SLF1: variants seen among roughly 807,000 people sequenced by gnomAD.
SLF1 encodes SMC5/6 complex localization factor 1.
Under a neutral mutation model 123.0 loss-of-function variants are expected in SLF1, and 105 were observed. That is an observed-to-expected ratio of 0.85 (90% confidence interval 0.73 to 1.00). The LOEUF (loss-of-function observed/expected upper bound fraction) is 1.00. Ranked by LOEUF, SLF1 falls within the 50% of genes least tolerant of loss-of-function variation. The probability of loss-of-function intolerance (pLI) is 0.00; values close to 1 mark genes in which losing one functional copy is unlikely to be tolerated. For missense variants in SLF1, 1,239 were observed against 1,223.0 expected, an observed-to-expected ratio of 1.01 and a Z score of -0.20; for synonymous variants, 434 against 406.6, an observed-to-expected ratio of 1.07 and a Z score of -0.81.
chr5:94,694,509 A>T (rs2152500508), intron 20 of SLF1, among the ~76,000 whole-genome samples: 1 of 151,938 alleles, frequency 6.6e-6, no homozygotes, highest in East Asian at 1.9e-4. Flanking sequence ...CATTTTTAAG[A>T]TTTCTTCTGG....
At chr5:94,676,251 A>G (rs1051073770) in intron 14 of SLF1, among the ~76,000 whole-genome samples, 2 of 152,154 alleles carry the variant, frequency 1.3e-5, no homozygotes, top group African/African-American at 2.4e-5. Context: ...TATTCTCTTG[A>G]TAACAGTGAG....
chr5:94,640,360 C>CT (rs1746308292), intron 4 of SLF1, among the ~76,000 whole-genome samples: 3 of 152,094 alleles, frequency 2.0e-5, no homozygotes, highest in South Asian at 4.2e-4. Flanking sequence ...AGCTGTCATT[C>CT]TTTTTTTCCG....
At position 94,696,487 on chromosome 5, in the gene SLF1, A is replaced by C. The variant is rs1032797449; in HGVS notation, c.*1175A>C. ...ACTCAGGAAATACTAGTTTCTATTT[A>C]GCCTTCAAATTTGGCATCATACAAA... is the stretch of plus-strand genomic sequence containing the variant. On this transcript the variant is annotated 3_prime_UTR_variant, in exon 21 of 21. Transcript: ENST00000265140. 6.6e-6 allele frequency: 1 copy of C among 151,858 alleles called. No individual in the cohort carries two copies. Among genetic ancestry groups the C allele is most frequent in the Non-Finnish European group, 1.5e-5 (1 of 67,854 alleles). 9.4% of individuals were successfully genotyped at this position (151,858 alleles called of 1,614,324 possible).
At position 94,663,645 on chromosome 5, in the gene SLF1, A is replaced by G. The variant is rs145702269; in HGVS notation, c.1210-105A>G. ...GGGTAACAGAGTGAGACTCCGTCTC[A>G]AATGAATGAATGAATAAATAAATAA... On this transcript the variant is annotated intron_variant, in intron 10 of 20. Transcript: ENST00000265140. 1,076 of 1,054,430 alleles carry G rather than the reference A, an allele frequency of 1.0e-3. 12 individuals are homozygous for G. The African/African-American group carries it at 0.016, about 15-fold the overall frequency. 65.3% of individuals were successfully genotyped at this position (1,054,430 alleles called of 1,614,324 possible).
chr5:94,641,514 C>A (rs541122629), intron 4 of SLF1, among the ~76,000 whole-genome samples: 1 of 152,234 alleles, frequency 6.6e-6, no homozygotes, highest in South Asian at 2.1e-4. Flanking sequence ...CTGTAATCAC[C>A]ATCAATGCAT....
At chr5:94,664,421 A>G (rs1193418277) in intron 11 of SLF1, among the ~76,000 whole-genome samples, 1 of 152,152 alleles carries the variant, frequency 6.6e-6, no homozygotes, top group Non-Finnish European at 1.5e-5. Flanking sequence ...CAGCCTCCCA[A>G]GTAGCTGGGA....
intron 4 of SLF1, among the ~76,000 whole-genome samples, chr5:94,631,042 T>G (rs1745141833): frequency 6.6e-6 from 1 of 152,236 alleles, no homozygotes; most frequent in Non-Finnish European, 1.5e-5. Context: ...TTGTTTCTAG[T>G]TATGAAGCAC....
intron 14 of SLF1, among the ~76,000 whole-genome samples, chr5:94,675,374 G>A (rs921769515): frequency 6.6e-6 from 1 of 152,098 alleles, no homozygotes; most frequent in African/African-American, 2.4e-5. Context: ...TAGGGTATTC[G>A]TGTTCTCTTC....
chr5:94,629,795 T>C (rs1282326019), intron 3 of SLF1: 1 of 152,216 alleles, frequency 6.6e-6, no homozygotes, highest in Non-Finnish European at 1.5e-5. Flanking sequence ...TTTTTAACTT[T>C]ACAAATGAAA....
chr5:94,679,119 G>C (rs901912601), intron 15 of SLF1, among the ~76,000 whole-genome samples, 164 bp downstream of exon 15: 1 of 152,122 alleles, frequency 6.6e-6, no homozygotes, highest in Non-Finnish European at 1.5e-5. Flanking sequence ...AATATAAAGA[G>C]GAAGATTTAA....
At chr5:94,654,860 T>G (rs1435698513) in intron 9 of SLF1, 108 bp downstream of exon 9, 2 of 829,526 alleles carry the variant, frequency 2.4e-6, no homozygotes, top group Non-Finnish European at 3.2e-6. Context: ...GTATGTTTAA[T>G]ATGTCTTAAA....
intron 14 of SLF1, among the ~76,000 whole-genome samples, chr5:94,671,469 A>G (rs1309804081): frequency 6.6e-6 from 1 of 151,762 alleles, no homozygotes; most frequent in Non-Finnish European, 1.5e-5. Context: ...GAAATTTAAC[A>G]TATAGTGATT....
rs1462397744 is a variant in SLF1 at position 94,669,359 on chromosome 5, G to A, written c.1533-792G>A. On this transcript the variant is annotated intron_variant, in intron 12 of 20. Coordinates refer to ENST00000265140, the MANE Select transcript of SLF1 (RefSeq NM_032290.4). ...AGAAGACAGCGGAAGTGGAGACAGA[G>A]GTAGAAAGTTATAAGTGCATTGTTG... Among the ~76,000 whole-genome samples, 10 of 152,198 alleles carry A rather than the reference G, an allele frequency of 6.6e-5. No individual in the cohort carries two copies. In the South Asian group the frequency reaches 1.7e-3, roughly 25 times the overall value.
In SLF1 at chr5:94,629,118, A is replaced by C; in HGVS notation, c.141A>C (p.Ile47=). The change falls in exon 3 of 21, where the codon ATA becomes ATC. Residue 47 remains isoleucine, a synonymous_variant. Coordinates refer to ENST00000265140, the MANE Select transcript of SLF1 (RefSeq NM_032290.4). ...AATACAAAAATTGTACACATCTTAT[A>C]GCTGAACGCCTATGTAAGAGTGAAA... The part of the protein sequence containing the change: ...SEKYKNCTHL[I]AERLCKSEKF... 1 of 1,549,170 alleles carries C rather than the reference A, an allele frequency of 6.5e-7. No individual in the cohort carries two copies. Among genetic ancestry groups the C allele is most frequent in the South Asian group, 1.2e-5 (1 of 83,244 alleles).
In SLF1 at chr5:94,654,603, A is replaced by T. The variant is rs750467693; in HGVS notation, c.1033-27A>T. ...TGACACTGTCTTTAGTACATTTTCT[A>T]AAGTCATTTTACTTTGCTATATGCA... On this transcript the variant is annotated intron_variant, in intron 8 of 20. Coordinates refer to ENST00000265140, the MANE Select transcript of SLF1 (RefSeq NM_032290.4). 6.6e-6 allele frequency: 10 copies of T among 1,508,110 alleles called. No homozygotes were observed. The South Asian group carries it at 1.3e-4, about 19-fold the overall frequency. 93.4% of individuals were successfully genotyped at this position (1,508,110 alleles called of 1,614,324 possible).
intron 14 of SLF1, chr5:94,678,595 A>T (rs1751376194): frequency 2.6e-6 from 1 of 379,354 alleles, no homozygotes; most frequent in Non-Finnish European, 4.6e-6. Context: ...TCCTTGGAAA[A>T]TTTGCTTTGT....
intron 18 of SLF1, among the ~76,000 whole-genome samples, chr5:94,690,696 C>T (rs556777120): frequency 2.6e-5 from 4 of 152,154 alleles, no homozygotes; most frequent in African/African-American, 9.6e-5. Context: ...AAATTAGATT[C>T]AGTATTTCAT....
intron 20 of SLF1, among the ~76,000 whole-genome samples, chr5:94,693,391 A>ATATT (rs1265651781): frequency 6.6e-6 from 1 of 152,022 alleles, no homozygotes; most frequent in Non-Finnish European, 1.5e-5. Flanking sequence ...ATTCAGGCCA[A>ATATT]TATTTGTTAG....
At chr5:94,688,762 G>A in intron 17 of SLF1, 93 bp downstream of exon 17, 1 of 1,405,966 alleles carries the variant, frequency 7.1e-7, no homozygotes, top group Non-Finnish European at 9.8e-7. Flanking sequence ...CTGTGATACT[G>A]TCTGAATTAT....
Sources: gnomAD v4.1 joint callset for allele counts (sites outside exome capture counted in the v4.1 genomes callset) on GRCh38, gnomAD v4.1.1 for gene constraint, MANE v1.5 for transcripts, NCBI Gene and HGNC (gene_info 2026-07-23, HGNC 2026-07-21) for gene names.